Variants in DCDC2 observed in about 807,000 individuals in gnomAD.
DCDC2 encodes the protein doublecortin domain-containing protein 2.
DCDC2 carries 40 observed loss-of-function variants against 50.2 expected under a neutral mutation model. The observed-to-expected ratio is 0.80, with a 90% CI of 0.62 to 1.04. The LOEUF (loss-of-function observed/expected upper bound fraction) is 1.04. Among genes scored for constraint, DCDC2 ranks in the 50% least tolerant of loss-of-function variants. The pLI is 0.00. For missense variants in DCDC2, 570 were observed against 581.9 expected (o/e 0.98, Z 0.21); for synonymous variants, 234 against 210.6 (o/e 1.11, Z -0.96).
At chr6:24,289,206 T>G (rs1561760120) in intron 5 of DCDC2, among the ~76,000 whole-genome samples, 1 of 152,192 alleles carries the variant, frequency 6.6e-6, no homozygotes, top group Non-Finnish European at 1.5e-5. Flanking sequence ...AGTGTCCTAT[T>G]TGCATTTCAA....
intron 2 of DCDC2, among the ~76,000 whole-genome samples, chr6:24,326,230 G>A (rs1383059518): frequency 6.8e-6 from 1 of 147,126 alleles, no homozygotes; most frequent in African/African-American, 2.4e-5. Context: ...AGGAAGGAAG[G>A]AAGGGAGGGA....
At chr6:24,183,214 G>T (rs1241298402) in intron 8 of DCDC2, among the ~76,000 whole-genome samples, 1 of 152,168 alleles carries the variant, frequency 6.6e-6, no homozygotes, top group Non-Finnish European at 1.5e-5. Context: ...GACCTGGTTG[G>T]TGGTGGTGGT....
chr6:24,301,295 C>T lies in DCDC2; in HGVS notation c.557+420G>A, dbSNP rs531388387. Among the ~76,000 whole-genome samples, 11 of 132,046 alleles carry T rather than the reference C, an allele frequency of 8.3e-5. No individual in the cohort carries two copies. The East Asian group carries it at 1.7e-3, about 21-fold the overall frequency. The allele number at this position is 132,046 out of a possible 152,430, so 86.6% of individuals were successfully genotyped here. A position where few individuals can be genotyped will look rare whatever the true frequency, so the allele number is the denominator to read the frequency against. On this transcript the variant is annotated intron_variant, in intron 4 of 9. Coordinates refer to ENST00000378454, the MANE Select transcript of DCDC2 (RefSeq NM_016356.5). ...CTGAGGCAGGAGAATGGCGTGAACCCGGGAGGCGGAGCTTGCAGTGAGCTG... is the reference window on the plus strand; with the variant it reads ...CTGAGGCAGGAGAATGGCGTGAACCTGGGAGGCGGAGCTTGCAGTGAGCTG...
intron 9 of DCDC2, among the ~76,000 whole-genome samples, chr6:24,175,619 G>A (rs1257850788): frequency 2.0e-5 from 3 of 152,106 alleles, no homozygotes; most frequent in Non-Finnish European, 4.4e-5. Flanking sequence ...CTGTTCCTTT[G>A]TGAAATGTCT....
chr6:24,259,827 A>G (rs1269085986), intron 7 of DCDC2, among the ~76,000 whole-genome samples: 2 of 152,122 alleles, frequency 1.3e-5, no homozygotes, highest in African/African-American at 2.4e-5. Flanking sequence ...TACTTGTAAT[A>G]TCCTACCTTG....
intron 2 of DCDC2, among the ~76,000 whole-genome samples, chr6:24,318,216 TATTA>T (rs1759708138): frequency 6.6e-6 from 1 of 152,214 alleles, no homozygotes; most frequent in African/African-American, 2.4e-5. Flanking sequence ...TTCATTGTAG[TATTA>T]TTTATAATTC....
chr6:24,238,264 C>T (rs1007208917), intron 7 of DCDC2, among the ~76,000 whole-genome samples: 2 of 146,442 alleles, frequency 1.4e-5, no homozygotes, highest in Non-Finnish European at 1.5e-5. Context: ...AGTCAAACCA[C>T]ATCTTGGACA....
At chr6:24,368,790 A>T in the DCDC2 span, among the ~76,000 whole-genome samples, 7 of 152,220 alleles carry the variant, frequency 4.6e-5, no homozygotes, top group African/African-American at 7.2e-5. Flanking sequence ...TACAGGAAAC[A>T]ATAATGACAC....
At chr6:24,243,348 G>C (rs1762603615) in intron 7 of DCDC2, among the ~76,000 whole-genome samples, 1 of 152,160 alleles carries the variant, frequency 6.6e-6, no homozygotes, top group Non-Finnish European at 1.5e-5. Flanking sequence ...CACACCTCTG[G>C]ACAGTCAGAC....
chr6:24,291,928 G>A (rs1168922566), intron 4 of DCDC2, among the ~76,000 whole-genome samples: 6 of 152,246 alleles, frequency 3.9e-5, no homozygotes, highest in African/African-American at 1.4e-4. Context: ...GGGGTGAGAG[G>A]GCAGGAGGTA....
chr6:24,213,624 A>C (rs367778444), intron 7 of DCDC2, among the ~76,000 whole-genome samples: 1 of 152,220 alleles, frequency 6.6e-6, no homozygotes, highest in Admixed American at 6.5e-5. Flanking sequence ...TTGAATTTTT[A>C]TACAACTTTT....
intron 2 of DCDC2, among the ~76,000 whole-genome samples, chr6:24,324,991 G>A (rs572779946): frequency 2.1e-4 from 32 of 152,016 alleles, no homozygotes; most frequent in Non-Finnish European, 3.8e-4. Context: ...AGCACAAGAA[G>A]TAGAAGAAAG....
At chr6:24,259,106 G>C (rs145834468) in intron 7 of DCDC2, among the ~76,000 whole-genome samples, 1 of 151,108 alleles carries the variant, frequency 6.6e-6, no homozygotes, top group African/African-American at 2.4e-5. Flanking sequence ...TTTCTAGCTG[G>C]GTGATATCCA....
chr6:24,369,789 C>T, the DCDC2 span, among the ~76,000 whole-genome samples: 3 of 152,098 alleles, frequency 2.0e-5, no homozygotes, highest in East Asian at 1.9e-4. Context: ...GCCTATATTC[C>T]AGCACTTTGG....
chr6:24,284,715 G>A (rs950922025), intron 6 of DCDC2, among the ~76,000 whole-genome samples: 1 of 151,640 alleles, frequency 6.6e-6, no homozygotes, highest in Non-Finnish European at 1.5e-5. Context: ...CTCTTTGCAT[G>A]CCTATATGAT....
chr6:24,267,053 C>T (rs566671934), intron 7 of DCDC2, among the ~76,000 whole-genome samples: 55 of 152,200 alleles, frequency 3.6e-4, no homozygotes, highest in Middle Eastern at 3.4e-3. Flanking sequence ...ATAATCCAGG[C>T]ACAAAGACAA....
chr6:24,205,010 C>A lies in DCDC2; in HGVS notation c.1015G>T (p.Val339Phe). ...TAAGGCATGGAGATTACCTGATCGA[C>A]TGGAACCTCAACCTGAGTATCTTCA... The part of the protein sequence containing the change: ...EDEDTQVEVP[V>F]DQRPAEIVDE... Residue 339 changes from valine (V) to phenylalanine (F), a missense_variant, in exon 8 of 10, where the codon GTC becomes TTC. Coordinates refer to ENST00000378454, the MANE Select transcript of DCDC2 (RefSeq NM_016356.5). 6.2e-7 allele frequency: 1 copy of A among 1,613,566 alleles called. No homozygotes were observed. The highest frequency in any genetic ancestry group is 1.1e-5 in the South Asian group (1 of 90,990).
intron 7 of DCDC2, among the ~76,000 whole-genome samples, chr6:24,224,871 A>C (rs1384558289): frequency 6.6e-6 from 1 of 152,170 alleles, no homozygotes; most frequent in Non-Finnish European, 1.5e-5. Context: ...TAAATTCTAA[A>C]TATTACTTTA....
chr6:24,315,220 T>C (rs982063285), intron 2 of DCDC2, among the ~76,000 whole-genome samples: 6 of 150,614 alleles, frequency 4.0e-5, no homozygotes, highest in African/African-American at 1.2e-4. Context: ...TCCCAGATAA[T>C]GCATGTTTCT....
Sources: gnomAD v4.1 joint callset for allele counts (sites outside exome capture counted in the v4.1 genomes callset) on GRCh38, gnomAD v4.1.1 for gene constraint, MANE v1.5 for transcripts, NCBI Gene and HGNC (gene_info 2026-07-23, HGNC 2026-07-21) for gene names.